Variants in EFCAB13 observed in about 807,000 individuals in gnomAD.
The protein encoded by EFCAB13 is EF-hand calcium-binding domain-containing protein 13.
EFCAB13 carries 91 observed loss-of-function variants against 110.2 expected under a neutral mutation model. That is an observed-to-expected ratio of 0.83 (90% CI 0.70 to 0.98). The LOEUF (loss-of-function observed/expected upper bound fraction) is 0.98, where lower values mean the gene tolerates loss of function less well. EFCAB13 is among the 50% of genes least tolerant of loss of function. The probability of loss-of-function intolerance (pLI) is 0.00; values close to 1 mark genes in which losing one functional copy is unlikely to be tolerated. For synonymous variants in EFCAB13, 323 were observed against 369.9 expected, an observed-to-expected ratio of 0.87 and a Z score of 1.45; for missense variants, 968 against 1,119.4, an observed-to-expected ratio of 0.86 and a Z score of 1.93.
chr17:47,420,516 G>A (rs1423791073), intron 23 of EFCAB13, among the ~76,000 whole-genome samples: 15 of 150,840 alleles, frequency 9.9e-5, no homozygotes, highest in East Asian at 2.0e-4. Context: ...GCCTCTTCCC[G>A]GCCGCCATCC....
intron 10 of EFCAB13, among the ~76,000 whole-genome samples, chr17:47,365,775 G>A (rs1465251251): frequency 6.6e-6 from 1 of 152,120 alleles, no homozygotes; most frequent in African/African-American, 2.4e-5. Context: ...AAAGAGGATT[G>A]TACCTGTAGA....
intron 24 of EFCAB13, among the ~76,000 whole-genome samples, chr17:47,434,137 T>C (rs1038473889): frequency 6.6e-6 from 1 of 152,064 alleles, no homozygotes; most frequent in African/African-American, 2.4e-5. Context: ...ATCGATGATA[T>C]GATCATATAC....
intron 4 of EFCAB13, 100 bp downstream of exon 4, chr17:47,328,483 A>G: frequency 1.0e-6 from 1 of 971,720 alleles, no homozygotes; most frequent in South Asian, 1.7e-5. Flanking sequence ...TTCATAGAGT[A>G]ATAGTTATAA....
chr17:47,340,112 G>A (rs1437244727), intron 5 of EFCAB13: 1 of 152,076 alleles, frequency 6.6e-6, no homozygotes, highest in Non-Finnish European at 1.5e-5. Flanking sequence ...GTTCAAAATG[G>A]TATAAAATTA....
chr17:47,348,065 T>A (rs1031999617), intron 9 of EFCAB13, 114 bp downstream of exon 9: 14 of 825,636 alleles, frequency 1.7e-5, no homozygotes, highest in Non-Finnish European at 2.3e-5. Context: ...AAAAACATCA[T>A]TTTTGGTCAT....
Position 47,438,453 on chromosome 17 carries a change from A to G in EFCAB13, c.2639-1978A>G, listed in dbSNP as rs183248708. Among the ~76,000 whole-genome samples, 1,046 of 151,284 alleles carry G rather than the reference A, an allele frequency of 6.9e-3. 11 individuals are homozygous for G. Among genetic ancestry groups the G allele is most frequent in the African/African-American group, 0.024 (990 of 41,280 alleles). On this transcript the variant is annotated intron_variant, in intron 24 of 24. Coordinates refer to ENST00000331493, the MANE Select transcript of EFCAB13 (RefSeq NM_152347.5). The stretch of plus-strand genomic sequence containing the variant: ...AACTATTCTTAGATTTGGTTGTTTA[A>G]CATAATCACAGACTTCTTGGAGGCT...
At position 47,402,096 on chromosome 17, in the gene EFCAB13, A is replaced by T. The variant is rs368463925; in HGVS notation, c.1946-36A>T. On this transcript the variant is annotated intron_variant, in intron 17 of 24. Transcript: ENST00000331493. ...CTTTATTGGATCTGACTTTTGCGTAATGAGGTTGGTCTATTAAAAGTGTTT... is the reference window on the plus strand; with the variant it reads ...CTTTATTGGATCTGACTTTTGCGTATTGAGGTTGGTCTATTAAAAGTGTTT... The T allele has an allele frequency of 7.7e-5, 121 of 1,574,536 alleles. 2 individuals carry two copies. The Middle Eastern group carries it at 3.2e-3, about 41-fold the overall frequency.
intron 14 of EFCAB13, among the ~76,000 whole-genome samples, chr17:47,382,391 A>G (rs1306998612): frequency 6.6e-6 from 1 of 152,168 alleles, no homozygotes; most frequent in African/African-American, 2.4e-5. Context: ...TTCCAATACT[A>G]TGTTGAATAG....
chr17:47,351,497 G>A (rs1232251451), intron 9 of EFCAB13, among the ~76,000 whole-genome samples: 1 of 152,056 alleles, frequency 6.6e-6, no homozygotes, highest in Non-Finnish European at 1.5e-5. Context: ...GGATCATACA[G>A]TAGTTCTATT....
chr17:47,393,675 C>T (rs532466573), intron 15 of EFCAB13, among the ~76,000 whole-genome samples: 41 of 150,596 alleles, frequency 2.7e-4, no homozygotes, highest in African/African-American at 9.8e-4. Flanking sequence ...GAGATTGCAC[C>T]GCTGCACTCT....
At chr17:47,429,177 G>T (rs1285435580) in intron 23 of EFCAB13, among the ~76,000 whole-genome samples, 1 of 152,118 alleles carries the variant, frequency 6.6e-6, no homozygotes, top group Non-Finnish European at 1.5e-5. Context: ...ACAAAGGGCT[G>T]AAGTAATTAT....
intron 23 of EFCAB13, among the ~76,000 whole-genome samples, chr17:47,419,787 T>C (rs959745819): frequency 1.3e-5 from 2 of 152,314 alleles, no homozygotes; most frequent in East Asian, 1.9e-4. Flanking sequence ...TGGAATAACA[T>C]TGAATACTAA....
intron 14 of EFCAB13, among the ~76,000 whole-genome samples, chr17:47,391,167 C>G (rs947543836): frequency 6.6e-6 from 1 of 152,130 alleles, no homozygotes; most frequent in Non-Finnish European, 1.5e-5. Context: ...TTTCAAATCC[C>G]TGGCCTCAAG....
chr17:47,378,265 A>G (rs1236126977), intron 13 of EFCAB13, among the ~76,000 whole-genome samples: 1 of 152,208 alleles, frequency 6.6e-6, no homozygotes, highest in Non-Finnish European at 1.5e-5. Context: ...AAATAGCCCA[A>G]GGATCCAAAG....
At chr17:47,385,361 T>C (rs1489802558) in intron 14 of EFCAB13, among the ~76,000 whole-genome samples, 4 of 152,046 alleles carry the variant, frequency 2.6e-5, no homozygotes, top group Non-Finnish European at 5.9e-5. Context: ...CTTTTGTCTC[T>C]AATCCTGTCT....
chr17:47,399,521 G>C (rs1598751070), intron 17 of EFCAB13, among the ~76,000 whole-genome samples: 1 of 151,866 alleles, frequency 6.6e-6, no homozygotes, highest in Non-Finnish European at 1.5e-5. Flanking sequence ...GAGCTTCTCT[G>C]ACCAAAGTGG....
At chr17:47,427,416 T>C (rs1272547854) in intron 23 of EFCAB13, among the ~76,000 whole-genome samples, 1 of 152,124 alleles carries the variant, frequency 6.6e-6, no homozygotes, top group Non-Finnish European at 1.5e-5. Context: ...ATTTTGCTTT[T>C]ATATCCAGGC....
At chr17:47,351,312 CG>C (rs1469914105) in intron 9 of EFCAB13, among the ~76,000 whole-genome samples, 5 of 132,340 alleles carry the variant, frequency 3.8e-5, no homozygotes, top group Non-Finnish European at 8.3e-5. Context: ...TGTGCGCGCG[CG>C]CGCGCGCGCG....
At chr17:47,363,582 T>C (rs76388017) in intron 10 of EFCAB13, among the ~76,000 whole-genome samples, 3,227 of 152,146 alleles carry the variant, frequency 0.021, 104 homozygotes, top group East Asian at 0.17. Context: ...TAATACATAC[T>C]GGAAGCCTTA....
Sources: allele counts gnomAD v4.1 joint callset (sites outside exome capture counted in the v4.1 genomes callset), GRCh38; gene constraint gnomAD v4.1.1; transcripts MANE v1.5; gene names NCBI Gene and HGNC (gene_info 2026-07-23, HGNC 2026-07-21).